The following ADAMTS12 variants were observed in gnomAD, a reference collection of about 807,000 sequenced individuals.
ADAMTS12 encodes A disintegrin and metalloproteinase with thrombospondin motifs 12.
Under a neutral mutation model 167.8 loss-of-function variants are expected in ADAMTS12, and 118 were observed. The observed-to-expected ratio is 0.70, with a 90% CI of 0.61 to 0.82. ADAMTS12 has a LOEUF of 0.82. Ranked by LOEUF, ADAMTS12 falls within the 40% of genes least tolerant of loss-of-function variation. ADAMTS12 has a pLI of 0.00. For missense variants in ADAMTS12, 1,916 were observed against 1,998.8 expected (o/e 0.96, Z 0.79); for synonymous variants, 704 against 716.9 (o/e 0.98, Z 0.29).
intron 22 of ADAMTS12, among the ~76,000 whole-genome samples, chr5:33,539,298 C>A (rs976032762): frequency 6.6e-6 from 1 of 152,134 alleles, no homozygotes; most frequent in African/African-American, 2.4e-5. Context: ...AATAAGCAAG[C>A]TTAGGGAGAA....
chr5:33,771,775 G>A (rs1052940474), intron 2 of ADAMTS12, among the ~76,000 whole-genome samples: 6 of 151,538 alleles, frequency 4.0e-5, no homozygotes, highest in Admixed American at 2.6e-4. Context: ...ACACTGTGTA[G>A]TAAAGTTATA....
At chr5:33,820,864 T>C (rs1328471662) in intron 2 of ADAMTS12, among the ~76,000 whole-genome samples, 2 of 152,086 alleles carry the variant, frequency 1.3e-5, no homozygotes, top group Non-Finnish European at 2.9e-5. Flanking sequence ...AGCAAAGTAA[T>C]GCATGAACAG....
chr5:33,533,850 G>A (rs1294891557), intron 23 of ADAMTS12, among the ~76,000 whole-genome samples: 3 of 152,186 alleles, frequency 2.0e-5, no homozygotes, highest in East Asian at 1.9e-4. Context: ...CTTTCCCAAA[G>A]CTCCTGTTGG....
At chr5:33,667,811 T>C (rs1464425104) in intron 5 of ADAMTS12, among the ~76,000 whole-genome samples, 1 of 152,178 alleles carries the variant, frequency 6.6e-6, no homozygotes, top group Non-Finnish European at 1.5e-5. Flanking sequence ...TGGTACCAGT[T>C]AAAAAGTCAT....
Position 33,596,183 on chromosome 5 carries a change from T to C in ADAMTS12, c.2528-123A>G. ...GCTGATGGGAAAGTTGTTCAAAAGT[T>C]ACTTGGTTTTAAAGGAGGGATGAAG... On this transcript the variant is annotated intron_variant, in intron 16 of 23. Transcript: ENST00000504830. The C allele has an allele frequency of 3.1e-6, 4 of 1,289,356 alleles. No individual in the cohort carries two copies. In the East Asian group the frequency reaches 7.1e-5, roughly 23 times the overall value. The allele number at this position is 1,289,356 out of a possible 1,614,324, so 79.9% of individuals were successfully genotyped here.
chr5:33,850,304 G>A (rs1214213928), intron 2 of ADAMTS12, among the ~76,000 whole-genome samples: 3 of 152,146 alleles, frequency 2.0e-5, no homozygotes, highest in Non-Finnish European at 4.4e-5. Flanking sequence ...TTCACTAAAA[G>A]AGAGGATTAA....
chr5:33,882,984 C>A (rs1179096227), intron 1 of ADAMTS12, among the ~76,000 whole-genome samples: 1 of 152,236 alleles, frequency 6.6e-6, no homozygotes, highest in African/African-American at 2.4e-5. Context: ...ACTTCCCCAA[C>A]TAGAATGTCT....
At chr5:33,720,652 T>C (rs1266485753) in intron 3 of ADAMTS12, among the ~76,000 whole-genome samples, 1 of 152,262 alleles carries the variant, frequency 6.6e-6, no homozygotes, top group Non-Finnish European at 1.5e-5. Context: ...TTCCATTATG[T>C]GTGCTTATTC....
chr5:33,829,887 C>G (rs1748229017), intron 2 of ADAMTS12, among the ~76,000 whole-genome samples: 1 of 152,198 alleles, frequency 6.6e-6, no homozygotes, highest in African/African-American at 2.4e-5. Context: ...CAGTCCTTTT[C>G]CATCTGAGGC....
intron 2 of ADAMTS12, among the ~76,000 whole-genome samples, chr5:33,775,670 G>A (rs1020378735): frequency 2.6e-5 from 4 of 152,170 alleles, no homozygotes; most frequent in African/African-American, 7.2e-5. Context: ...GCAGAAATAC[G>A]AAATGATGCA....
chr5:33,729,960 T>C (rs1003815408), intron 3 of ADAMTS12, among the ~76,000 whole-genome samples: 2 of 152,230 alleles, frequency 1.3e-5, no homozygotes, highest in African/African-American at 4.8e-5. Context: ...CCAAATATAG[T>C]AATGATTAAG....
intron 2 of ADAMTS12, among the ~76,000 whole-genome samples, chr5:33,838,119 C>T (rs1049758648): frequency 1.3e-5 from 2 of 152,280 alleles, no homozygotes; most frequent in Middle Eastern, 3.4e-3. Flanking sequence ...CTCATGTGGA[C>T]TCACACAGGT....
Position 33,849,485 on chromosome 5 carries a change from AAT to A in ADAMTS12, c.489+31632_489+31633del, listed in dbSNP as rs371962427. On this transcript the variant is annotated intron_variant, in intron 2 of 23. Coordinates refer to ENST00000504830, the MANE Select transcript of ADAMTS12 (RefSeq NM_030955.4). ...AATATATATATATGTATTGCACAGCAATATATATATATGTATTGCATAGCAAT... is the reference window on the plus strand; with the variant it reads ...AATATATATATATGTATTGCACAGCAATATATATATGTATTGCATAGCAAT... Among the ~76,000 whole-genome samples the A allele has an allele frequency of 7.6e-3, 420 of 55,332 alleles. 4 individuals are homozygous for A. The highest frequency in any genetic ancestry group is 0.056 in the East Asian group (96 of 1,716). 36.3% of individuals were successfully genotyped at this position (55,332 alleles called of 152,430 possible). A position where few individuals can be genotyped will look rare whatever the true frequency, so the allele number is the denominator to read the frequency against.
chr5:33,756,742 G>A (rs1745185688), intron 2 of ADAMTS12, among the ~76,000 whole-genome samples: 1 of 152,162 alleles, frequency 6.6e-6, no homozygotes, highest in African/African-American at 2.4e-5. Flanking sequence ...CAGGAAATAT[G>A]GACTGAAGCC....
intron 18 of ADAMTS12, among the ~76,000 whole-genome samples, chr5:33,587,813 A>T (rs1747431408): frequency 6.6e-6 from 1 of 152,004 alleles, no homozygotes; most frequent in South Asian, 2.1e-4. Flanking sequence ...CCATCTCTAA[A>T]CTCTGGCCTG....
At chr5:33,699,929 A>C (rs1742940405) in intron 3 of ADAMTS12, among the ~76,000 whole-genome samples, 1 of 152,244 alleles carries the variant, frequency 6.6e-6, no homozygotes, top group Admixed American at 6.5e-5. Flanking sequence ...GATGTCAAAA[A>C]AGCACATGAA....
rs1271286976 is a variant in ADAMTS12, at chr5:33,756,358, TG to T, written c.490-4811del. Among the ~76,000 whole-genome samples the T allele has an allele frequency of 7.2e-5, 11 of 151,958 alleles. No individual in the cohort carries two copies. In the East Asian group the frequency reaches 2.1e-3, roughly 29 times the overall value. On this transcript the variant is annotated intron_variant, in intron 2 of 23. Transcript: ENST00000504830. ...ACTGTGTTTCGGAGGCCACTGAGAG[TG>T]GCTGCTTTTAGGCGGCGAAGCCAAG... is the stretch of plus-strand genomic sequence containing the variant.
intron 2 of ADAMTS12, among the ~76,000 whole-genome samples, chr5:33,796,942 T>C (rs542627636): frequency 1.2e-4 from 19 of 152,324 alleles, no homozygotes; most frequent in African/African-American, 2.9e-4. Flanking sequence ...TCAGTGATTG[T>C]TGATGGATAG....
chr5:33,788,738 C>G lies in ADAMTS12; in HGVS notation c.490-37190G>C, dbSNP rs560603155. ...AGGAGGAAGTGGCTTTCACCATAAGCAAACCTATTACCAAAAACCCTACTT... is the reference window on the plus strand; with the variant it reads ...AGGAGGAAGTGGCTTTCACCATAAGGAAACCTATTACCAAAAACCCTACTT... On this transcript the variant is annotated intron_variant, in intron 2 of 23. Coordinates refer to ENST00000504830, the MANE Select transcript of ADAMTS12 (RefSeq NM_030955.4). Among the ~76,000 whole-genome samples the G allele has an allele frequency of 1.8e-4, 28 of 152,278 alleles. No individual in the cohort carries two copies. The East Asian group carries it at 5.2e-3, about 28-fold the overall frequency.
Sources: allele counts gnomAD v4.1 joint callset (sites outside exome capture counted in the v4.1 genomes callset), GRCh38; gene constraint gnomAD v4.1.1; transcripts MANE v1.5; gene names NCBI Gene and HGNC (gene_info 2026-07-23, HGNC 2026-07-21).